Variants in C14orf132 observed in about 807,000 individuals in gnomAD.
C14orf132 encodes the protein chromosome 14 open reading frame 132, also known as uncharacterized protein C14orf132.
C14orf132 carries 6 observed loss-of-function variants against 5.8 expected under a neutral mutation model. The observed-to-expected ratio is 1.03, with a 90% CI of 0.57 to 2.04. The LOEUF is 2.04. Among genes scored for constraint, C14orf132 ranks in the 30% most tolerant of loss-of-function variants. The probability of loss-of-function intolerance (pLI) is 0.00; values close to 1 mark genes in which losing one functional copy is unlikely to be tolerated. For synonymous variants in C14orf132, 51 were observed against 49.8 expected, an observed-to-expected ratio of 1.02 and a Z score of -0.10; for missense variants, 125 against 115.8, an observed-to-expected ratio of 1.08 and a Z score of -0.37.
intron 1 of C14orf132, among the ~76,000 whole-genome samples, chr14:96,042,410 G>A (rs1886717099): frequency 6.6e-6 from 1 of 152,194 alleles, no homozygotes; most frequent in South Asian, 2.1e-4. Context: ...GAAAACCTCA[G>A]CCCCTGTAGA....
chr14:96,074,186 T>C (rs922246486), intron 1 of C14orf132, among the ~76,000 whole-genome samples: 1 of 152,176 alleles, frequency 6.6e-6, no homozygotes, highest in East Asian at 1.9e-4. Context: ...GAACTTGAAA[T>C]AGAAGTTGAA....
chr14:96,059,152 G>T (rs1385208009), intron 1 of C14orf132, among the ~76,000 whole-genome samples: 1 of 152,146 alleles, frequency 6.6e-6, no homozygotes, highest in Non-Finnish European at 1.5e-5. Context: ...GCCTAGCCAG[G>T]TGCACATCTG....
intron 1 of C14orf132, among the ~76,000 whole-genome samples, chr14:96,071,906 G>A (rs560136452): frequency 2.7e-4 from 41 of 152,228 alleles, no homozygotes; most frequent in Non-Finnish European, 4.0e-4. Context: ...ATCAGCTTGA[G>A]CTTCAGCACA....
Position 96,089,911 on chromosome 14 carries a change from C to A in C14orf132, c.*3176C>A, listed in dbSNP as rs1417840910. On this transcript the variant is annotated 3_prime_UTR_variant, in exon 2 of 2. Transcript: ENST00000555004. ...TCTTGTTCTGCAAGGTGACCCCAGG[C>A]TCCCCAGGACAGGGGAGAGGGATCG... is the stretch of plus-strand genomic sequence containing the variant. The A allele has an allele frequency of 6.6e-6, 1 of 152,250 alleles. No individual in the cohort carries two copies. Among genetic ancestry groups the A allele is most frequent in the African/African-American group, 2.4e-5 (1 of 41,444 alleles). The allele number at this position is 152,250 out of a possible 1,614,324, so 9.4% of individuals were successfully genotyped here.
chr14:96,089,656 C>G lies in C14orf132; in HGVS notation c.*2921C>G, dbSNP rs991395421. 2.6e-5 allele frequency: 4 copies of G among 152,448 alleles called. No homozygotes were observed. Among genetic ancestry groups the G allele is most frequent in the East Asian group, 1.9e-4 (1 of 5,178 alleles). The allele number at this position is 152,448 out of a possible 1,614,324, so 9.4% of individuals were successfully genotyped here. Reference sequence around the variant, plus strand: ...CATGCTCAACCTCCCGCCCACTGCTCTCTCTCTGCCCAGATTTCAGGGGTG... The same window carrying G: ...CATGCTCAACCTCCCGCCCACTGCTGTCTCTCTGCCCAGATTTCAGGGGTG... On this transcript the variant is annotated 3_prime_UTR_variant, in exon 2 of 2. Coordinates refer to ENST00000555004, the MANE Select transcript of C14orf132 (RefSeq NM_001252507.3).
At chr14:96,084,259 TTCCTG>T (rs1374522043) in intron 1 of C14orf132, among the ~76,000 whole-genome samples, 1 of 152,212 alleles carries the variant, frequency 6.6e-6, no homozygotes, top group Non-Finnish European at 1.5e-5. Flanking sequence ...CGCTGGTTAA[TTCCTG>T]GGAATCTGGC....
At chr14:96,040,407 C>G (rs61327401) in intron 1 of C14orf132, 1 of 397,772 alleles carries the variant, frequency 2.5e-6, no homozygotes, top group African/African-American at 2.1e-5. Flanking sequence ...TGCACCTTCT[C>G]TGGTTGTGTT....
At chr14:96,071,482 A>T (rs6575567) in intron 1 of C14orf132, among the ~76,000 whole-genome samples, 4 of 152,038 alleles carry the variant, frequency 2.6e-5, no homozygotes, top group Non-Finnish European at 5.9e-5. Context: ...CAAGCAAGCC[A>T]GTCTCTTCTC....
At position 96,092,770 on chromosome 14, in the gene C14orf132, G is replaced by A. The variant is rs1194574907; in HGVS notation, c.*6035G>A. ...CACCTAACTATCGAGTTTTCACTAG[G>A]AGACTTAGTGGTGGCTTTCATGAGG... On this transcript the variant is annotated 3_prime_UTR_variant, in exon 2 of 2. Coordinates refer to ENST00000555004, the MANE Select transcript of C14orf132 (RefSeq NM_001252507.3). The A allele has an allele frequency of 6.6e-6, 1 of 152,210 alleles. No individual in the cohort carries two copies. Among genetic ancestry groups the A allele is most frequent in the African/African-American group, 2.4e-5 (1 of 41,444 alleles). The allele number at this position is 152,210 out of a possible 1,614,324, so 9.4% of individuals were successfully genotyped here.
rs552018214 is a variant in C14orf132 at position 96,052,883 on chromosome 14, C to T, written c.27+13356C>T. Among the ~76,000 whole-genome samples the T allele has an allele frequency of 2.0e-5, 3 of 152,302 alleles. No homozygotes were observed. The East Asian group carries it at 5.8e-4, about 29-fold the overall frequency. ...AGTTGACTCAGGAGGAGAGTGGAGG[C>T]CAGACAGGGTAAGACGCCGGCTCAA... On this transcript the variant is annotated intron_variant, in intron 1 of 1. Coordinates refer to ENST00000555004, the MANE Select transcript of C14orf132 (RefSeq NM_001252507.3).
At position 96,039,817 on chromosome 14, in the gene C14orf132, G is replaced by A. The variant is rs566691726; in HGVS notation, c.27+290G>A. 6.6e-6 allele frequency among the ~76,000 whole-genome samples: 1 copy of A among 152,096 alleles called. No individual in the cohort carries two copies. The highest frequency in any genetic ancestry group is 1.5e-5 in the Non-Finnish European group (1 of 67,986). On this transcript the variant is annotated intron_variant, in intron 1 of 1. Transcript: ENST00000555004. This position sits in a 1 kb window ranked among gnomAD's most constrained non-coding sequence, Gnocchi z 5.3. ...GCGAGGAGCCTGGGCAGCCCGAGTC[G>A]CCCCCTTCTGCCCATCCCCCACTGC...
chr14:96,045,906 A>G (rs1168262657), intron 1 of C14orf132, among the ~76,000 whole-genome samples: 1 of 152,186 alleles, frequency 6.6e-6, no homozygotes, highest in Admixed American at 6.5e-5. Flanking sequence ...AACAGCAGAG[A>G]CTGGAGTCTA....
At chr14:96,041,020 A>G (rs1273646168) in intron 1 of C14orf132, among the ~76,000 whole-genome samples, 1 of 152,170 alleles carries the variant, frequency 6.6e-6, no homozygotes, top group Non-Finnish European at 1.5e-5. Context: ...AACTTGACGA[A>G]ATAAATACAG....
chr14:96,067,695 GC>G lies in C14orf132; in HGVS notation c.28-18814del, dbSNP rs1232212048. Among the ~76,000 whole-genome samples, 4 of 147,828 alleles carry G rather than the reference GC, an allele frequency of 2.7e-5. No homozygotes were observed. The Admixed American group carries it at 2.8e-4, about 10-fold the overall frequency. The stretch of plus-strand genomic sequence containing the variant: ...GTCTGGGCAGCAAGAGTGAAACTCC[GC>G]CTAAAAAAAAAAAAAAAATTAGCAT... On this transcript the variant is annotated intron_variant, in intron 1 of 1. Transcript: ENST00000555004.
chr14:96,042,016 T>A (rs1242839953), intron 1 of C14orf132, among the ~76,000 whole-genome samples: 1 of 152,228 alleles, frequency 6.6e-6, no homozygotes, highest in Non-Finnish European at 1.5e-5. Flanking sequence ...ACAAGATGTA[T>A]GTTCATGAAA....
intron 1 of C14orf132, among the ~76,000 whole-genome samples, chr14:96,081,452 G>A (rs1232377523): frequency 6.6e-6 from 1 of 152,116 alleles, no homozygotes; most frequent in Non-Finnish European, 1.5e-5. Context: ...CTTGACTGAT[G>A]GTCCTAGGAT....
chr14:96,078,854 T>C (rs1887952751), intron 1 of C14orf132, among the ~76,000 whole-genome samples: 1 of 152,190 alleles, frequency 6.6e-6, no homozygotes, highest in African/African-American at 2.4e-5. Flanking sequence ...TTCCTGCTGA[T>C]TTGTAAGAGT....
intron 1 of C14orf132, among the ~76,000 whole-genome samples, chr14:96,067,126 T>G (rs1887555168): frequency 6.6e-6 from 1 of 152,302 alleles, no homozygotes; most frequent in African/African-American, 2.4e-5. Context: ...CTTGCCCAGG[T>G]GCTGGGGTGC....
At chr14:96,052,167 T>G (rs1439639271) in intron 1 of C14orf132, among the ~76,000 whole-genome samples, 1 of 152,198 alleles carries the variant, frequency 6.6e-6, no homozygotes, top group African/African-American at 2.4e-5. Context: ...TTGTAGAGTG[T>G]TGGGGTGAGA....
Sources: allele counts gnomAD v4.1 joint callset (sites outside exome capture counted in the v4.1 genomes callset), GRCh38; gene constraint gnomAD v4.1.1; non-coding constraint Gnocchi (gnomAD v3.1); transcripts MANE v1.5; gene names NCBI Gene and HGNC (gene_info 2026-07-23, HGNC 2026-07-21).